RADIL: variants seen among roughly 807,000 people sequenced by gnomAD.
RADIL encodes the protein Rap associating with DIL domain.
In RADIL, 99 loss-of-function variants were observed where a neutral mutation model predicts 97.6. The ratio of observed to expected loss-of-function variants is 1.01; its 90% CI spans 0.86 to 1.20. The LOEUF is 1.20. Ranked by LOEUF, RADIL falls within the 50% of genes most tolerant of loss-of-function variation. RADIL has a pLI of 0.00. For synonymous variants in RADIL, 803 were observed against 691.8 expected (o/e 1.16, Z -2.52); for missense variants, 1,765 against 1,498.9 (o/e 1.18, Z -2.93).
chr7:4,856,124 G>C (rs1032572801), intron 2 of RADIL, among the ~76,000 whole-genome samples: 2 of 145,838 alleles, frequency 1.4e-5, no homozygotes, highest in Admixed American at 1.4e-4. Context: ...TTTTTAGACA[G>C]ACTCTCACCG....
rs982956983 is a variant in RADIL at position 4,805,365 on chromosome 7, C to T, written c.2290+201G>A. On this transcript the variant is annotated intron_variant, in intron 10 of 14. Coordinates refer to ENST00000399583, the MANE Select transcript of RADIL (RefSeq NM_018059.5). ...TGGACTCTCGGCTCCTTGACTCCCC[C>T]GCCGAGGAGGTCCCCGGATCCCCAG... is the stretch of plus-strand genomic sequence containing the variant. 18 of 551,768 alleles carry T rather than the reference C, an allele frequency of 3.3e-5. No homozygotes were observed. In the East Asian group the frequency reaches 4.0e-4, roughly 12 times the overall value. The allele number at this position is 551,768 out of a possible 1,614,324, so 34.2% of individuals were successfully genotyped here.
chr7:4,809,045 GCC>G (rs544204546), intron 9 of RADIL: 1 of 867,628 alleles, frequency 1.2e-6, no homozygotes, highest in Non-Finnish European at 1.3e-6. Flanking sequence ...CGACGCCACT[GCC>G]CCCCCGTTCC....
intron 2 of RADIL, among the ~76,000 whole-genome samples, chr7:4,863,742 C>G (rs1295365562): frequency 6.6e-6 from 1 of 152,312 alleles, no homozygotes; most frequent in African/African-American, 2.4e-5. Context: ...CATTTTTTCA[C>G]TCAATGTGTC....
chr7:4,826,454 C>T (rs563223442), intron 5 of RADIL, among the ~76,000 whole-genome samples: 33 of 151,932 alleles, frequency 2.2e-4, no homozygotes, highest in African/African-American at 8.0e-4. Flanking sequence ...AGTCAGAAGC[C>T]AGTTGTGATG....
rs1056912323 is a variant in RADIL, at chr7:4,860,153, T to C, written c.535+17452A>G. 3.7e-6 allele frequency: 6 copies of C among 1,613,358 alleles called. No individual in the cohort carries two copies. In the African/African-American group the frequency reaches 8.0e-5, roughly 21 times the overall value. On this transcript the variant is annotated intron_variant, in intron 2 of 14. Transcript: ENST00000399583. The stretch of plus-strand genomic sequence containing the variant: ...AGCCAAGGCAGGACTGTTTCTACCC[T>C]GAGAACTGCTAATCAATGGGCCTGT...
chr7:4,816,655 T>C (rs1373661216), intron 7 of RADIL, among the ~76,000 whole-genome samples, 190 bp from the exon 8 acceptor site: 3 of 151,056 alleles, frequency 2.0e-5, no homozygotes, highest in Admixed American at 6.6e-5. Flanking sequence ...AGCTGCCTCC[T>C]GGGGCTGCTG....
intron 2 of RADIL, among the ~76,000 whole-genome samples, chr7:4,846,627 C>A (rs973403649): frequency 2.0e-5 from 3 of 150,164 alleles, no homozygotes; most frequent in African/African-American, 7.4e-5. Flanking sequence ...CTCACTGCAA[C>A]GTCCGCCTTC....
intron 2 of RADIL, among the ~76,000 whole-genome samples, chr7:4,844,073 T>C (rs1207994927): frequency 5.9e-5 from 9 of 152,156 alleles, no homozygotes. Flanking sequence ...ATGCCTGCTG[T>C]AACCACTTCT....
chr7:4,855,723 G>A (rs559362583), intron 2 of RADIL, among the ~76,000 whole-genome samples: 36 of 149,466 alleles, frequency 2.4e-4, no homozygotes, highest in Non-Finnish European at 4.6e-4. Flanking sequence ...TTTATTGGCC[G>A]TTCCTAGCTC....
chr7:4,825,588 A>C (rs1782951910), intron 5 of RADIL, among the ~76,000 whole-genome samples: 1 of 152,140 alleles, frequency 6.6e-6, no homozygotes, highest in African/African-American at 2.4e-5. Context: ...AGAGAGAGAA[A>C]GAAAAAAGCC....
At chr7:4,845,501 G>A (rs1783544560) in intron 2 of RADIL, among the ~76,000 whole-genome samples, 1 of 152,146 alleles carries the variant, frequency 6.6e-6, no homozygotes, top group Non-Finnish European at 1.5e-5. Flanking sequence ...TGAAGTAAAT[G>A]AATGCATACA....
At position 4,849,813 on chromosome 7, in the gene RADIL, A is replaced by G. The variant is rs1390391084; in HGVS notation, c.536-13208T>C. Among the ~76,000 whole-genome samples the G allele has an allele frequency of 6.6e-6, 1 of 152,196 alleles. No homozygotes were observed. The highest frequency in any genetic ancestry group is 1.9e-4 in the East Asian group (1 of 5,198). On this transcript the variant is annotated intron_variant, in intron 2 of 14. Coordinates refer to ENST00000399583, the MANE Select transcript of RADIL (RefSeq NM_018059.5). The surrounding 1 kb of genome is among the most constrained non-coding windows in gnomAD (Gnocchi z 5.4). Reference sequence around the variant, plus strand: ...ACGCACAAAACGAACACAGATCACAATCTGTGTTGAAATAAATCTTTAGCT... The same window carrying G: ...ACGCACAAAACGAACACAGATCACAGTCTGTGTTGAAATAAATCTTTAGCT...
chr7:4,830,076 T>C (rs1019720803), intron 5 of RADIL, among the ~76,000 whole-genome samples: 3 of 152,166 alleles, frequency 2.0e-5, no homozygotes, highest in Non-Finnish European at 4.4e-5. Context: ...CCTTCGTCAG[T>C]GTTATCTCAC....
chr7:4,824,008 C>G lies in RADIL; in HGVS notation c.1455-1454G>C, dbSNP rs959801596. Reference sequence around the variant, plus strand: ...CCTAAGTCTCCATAATCGCACCTGGCGGACACAAATAGCCGTGTGCCCCTG... The same window carrying G: ...CCTAAGTCTCCATAATCGCACCTGGGGGACACAAATAGCCGTGTGCCCCTG... On this transcript the variant is annotated intron_variant, in intron 5 of 14. Coordinates refer to ENST00000399583, the MANE Select transcript of RADIL (RefSeq NM_018059.5). This position sits in a 1 kb window ranked among gnomAD's most constrained non-coding sequence, Gnocchi z 6.7. Among the ~76,000 whole-genome samples the G allele has an allele frequency of 2.6e-5, 4 of 152,242 alleles. No individual in the cohort carries two copies. Among genetic ancestry groups the G allele is most frequent in the African/African-American group, 9.6e-5 (4 of 41,464 alleles).
At chr7:4,809,111 G>A (rs1454108796) in intron 9 of RADIL, 1 of 984,734 alleles carries the variant, frequency 1.0e-6, no homozygotes, top group Non-Finnish European at 1.2e-6. Context: ...GATGCGGGGC[G>A]CAGGACAGGC....
At chr7:4,802,963 G>T (rs1343777815) in intron 11 of RADIL, among the ~76,000 whole-genome samples, 23 of 79,824 alleles carry the variant, frequency 2.9e-4, no homozygotes, top group South Asian at 9.7e-4. Flanking sequence ...GCTGGCTGGG[G>T]GGCCCCCTCC....
At chr7:4,811,472 ATTAT>A (rs1782542924) in intron 9 of RADIL, among the ~76,000 whole-genome samples, 1 of 107,902 alleles carries the variant, frequency 9.3e-6, no homozygotes, top group African/African-American at 3.3e-5. Context: ...TACTGATGGT[ATTAT>A]TTCTTTTTTT....
At chr7:4,816,956 T>C (rs1334199525) in intron 7 of RADIL, among the ~76,000 whole-genome samples, 1 of 152,026 alleles carries the variant, frequency 6.6e-6, no homozygotes, top group Non-Finnish European at 1.5e-5. Context: ...CCCCACCTCA[T>C]CCCTGACCCT....
chr7:4,833,365 G>A (rs764922238), intron 4 of RADIL, among the ~76,000 whole-genome samples: 6 of 152,134 alleles, frequency 3.9e-5, no homozygotes, highest in Non-Finnish European at 8.8e-5. Flanking sequence ...GGTAACTCTC[G>A]GTCACAGTGG....
Sources: gnomAD v4.1 joint callset for allele counts (sites outside exome capture counted in the v4.1 genomes callset) on GRCh38, gnomAD v4.1.1 for gene constraint, Gnocchi (gnomAD v3.1) non-coding constraint, MANE v1.5 for transcripts, NCBI Gene and HGNC (gene_info 2026-07-23, HGNC 2026-07-21) for gene names.